The following LRRC9 variants were observed in gnomAD, a reference collection of about 807,000 sequenced individuals.
LRRC9 encodes the protein leucine rich repeat containing 9, also known as leucine-rich repeat-containing protein 9.
LRRC9 carries 122 observed loss-of-function variants against 63.2 expected under a neutral mutation model. That is an observed-to-expected ratio of 1.93 (90% confidence interval 1.67 to 2.24). The LOEUF (loss-of-function observed/expected upper bound fraction) is 2.24, where lower values mean the gene tolerates loss of function less well. Among genes scored for constraint, LRRC9 ranks in the 30% most tolerant of loss-of-function variants. The pLI is 0.00. For synonymous variants in LRRC9, 366 were observed against 213.1 expected (o/e 1.72, Z -6.25); for missense variants, 1,071 against 627.7 (o/e 1.71, Z -7.55).
chr14:60,062,033 G>A (rs56399812), intron 31 of LRRC9: 18 of 398,610 alleles, frequency 4.5e-5, no homozygotes, highest in Non-Finnish European at 7.1e-5. Flanking sequence ...AGAATGCTGG[G>A]ATTCTGACAA....
At chr14:60,010,497 G>A (rs1181518446) in intron 23 of LRRC9, among the ~76,000 whole-genome samples, 1 of 152,166 alleles carries the variant, frequency 6.6e-6, no homozygotes, top group African/African-American at 2.4e-5. Context: ...GGCCTGTGAT[G>A]GGAGTGGCTG....
At chr14:59,947,960 C>G (rs530206800) in intron 8 of LRRC9, among the ~76,000 whole-genome samples, 115 of 152,072 alleles carry the variant, frequency 7.6e-4, no homozygotes, top group Non-Finnish European at 1.3e-3. Flanking sequence ...CAGCTTTGTT[C>G]TTTTGGCTTC....
At chr14:59,924,922 T>TGTTTCCTTTGCC (rs1483571216) in intron 1 of LRRC9, among the ~76,000 whole-genome samples, 6 of 151,602 alleles carry the variant, frequency 4.0e-5, no homozygotes, top group Middle Eastern at 3.4e-3. Flanking sequence ...TTCCATTTGC[T>TGTTTCCTTTGCC]GTTTCCTTTG....
At chr14:59,997,034 A>G (rs148349092) in intron 17 of LRRC9, among the ~76,000 whole-genome samples, 1 of 152,044 alleles carries the variant, frequency 6.6e-6, no homozygotes, top group African/African-American at 2.4e-5. Flanking sequence ...ATACAAAATT[A>G]TATATGTTTT....
chr14:60,012,906 GTTT>G lies in LRRC9; in HGVS notation c.3187-3751_3187-3749del, dbSNP rs960075264. On this transcript the variant is annotated intron_variant, in intron 23 of 31. Coordinates refer to ENST00000445360, the Ensembl canonical transcript of LRRC9. ...CAATGGTATTTCTAAGGCTTAATAT[GTTT>G]TTATTTTTTATTTATTTTTTGTACA... Among the ~76,000 whole-genome samples the G allele has an allele frequency of 1.0e-4, 15 of 149,618 alleles. 1 individual carries two copies. The highest frequency in any genetic ancestry group is 6.8e-4 in the Admixed American group (10 of 14,752).
chr14:60,006,850 C>T (rs1479969697), intron 22 of LRRC9: 1 of 293,874 alleles, frequency 3.4e-6, no homozygotes, highest in Non-Finnish European at 6.2e-6. Context: ...TTTAAATACT[C>T]AAGTATGATA....
intron 27 of LRRC9, among the ~76,000 whole-genome samples, chr14:60,023,897 T>C (rs925465354): frequency 6.6e-6 from 1 of 151,560 alleles, no homozygotes; most frequent in Non-Finnish European, 1.5e-5. Context: ...ACATGCAGTG[T>C]TTGGTTTTCT....
At chr14:60,065,675 G>A (rs1345939299), downstream of LRRC9, among the ~76,000 whole-genome samples, 52 of 129,566 alleles carry the variant, frequency 4.0e-4, no homozygotes, top group Non-Finnish European at 7.4e-4. Context: ...AACTGTAAAA[G>A]AGAGTAAACT....
intron 22 of LRRC9, 39 bp downstream of exon 22, chr14:60,006,656 G>T: frequency 3.5e-6 from 2 of 566,908 alleles, no homozygotes; most frequent in Non-Finnish European, 6.2e-6. Context: ...TTTTTAACAT[G>T]TATTGTTTCT....
downstream of LRRC9, chr14:60,063,576 GTTAT>G (rs1398345661): frequency 2.3e-6 from 1 of 438,936 alleles, no homozygotes; most frequent in African/African-American, 2.0e-5. Flanking sequence ...GTTATCTTTA[GTTAT>G]TTGTTTGAAT....
At chr14:59,944,613 T>A (rs1165243601) in exon 8 of LRRC9, 4 of 616,064 alleles carry the variant, frequency 6.5e-6, no homozygotes, top group East Asian at 2.9e-5. Context: ...AAAAATAATG[T>A]ATTATAATAT....
At position 60,058,102 on chromosome 14, in the gene LRRC9, T is replaced by G; in HGVS notation, c.4276+80T>G. On this transcript the variant is annotated intron_variant, in intron 31 of 31. Coordinates refer to ENST00000445360, the Ensembl canonical transcript of LRRC9. The surrounding 1 kb of genome is among the most constrained non-coding windows in gnomAD (Gnocchi z 4.4). Reference sequence around the variant, plus strand: ...ATATCACTTTAATTTCTAATAGTACTTAAAATTCCTTGTTTTTAACTTACA... The same window carrying G: ...ATATCACTTTAATTTCTAATAGTACGTAAAATTCCTTGTTTTTAACTTACA... 2.2e-6 allele frequency: 1 copy of G among 463,464 alleles called. No individual in the cohort carries two copies. The highest frequency in any genetic ancestry group is 3.0e-5 in the East Asian group (1 of 33,488). The allele number at this position is 463,464 out of a possible 1,614,324, so 28.7% of individuals were successfully genotyped here. A position where few individuals can be genotyped will look rare whatever the true frequency, so the allele number is the denominator to read the frequency against.
chr14:60,006,334 T>A lies in LRRC9; in HGVS notation c.2843-63T>A, dbSNP rs1425461901. ...AATTACAATAAAATGACCAGCCACTTATTTTTTAAATTAAACCTTTAGTGT... is the reference window on the plus strand; with the variant it reads ...AATTACAATAAAATGACCAGCCACTAATTTTTTAAATTAAACCTTTAGTGT... On this transcript the variant is annotated intron_variant, in intron 21 of 31. Coordinates refer to ENST00000445360, the Ensembl canonical transcript of LRRC9. The A allele has an allele frequency of 1.3e-5, 8 of 616,830 alleles. No homozygotes were observed. In the East Asian group the frequency reaches 1.4e-4, roughly 11 times the overall value. 38.2% of individuals were successfully genotyped at this position (616,830 alleles called of 1,614,324 possible).
At chr14:59,953,524 A>T (rs954009336) in intron 8 of LRRC9, among the ~76,000 whole-genome samples, 1 of 151,968 alleles carries the variant, frequency 6.6e-6, no homozygotes, top group African/African-American at 2.4e-5. Flanking sequence ...TTTTTCTTGT[A>T]AATTTGTTTA....
chr14:59,974,575 G>A lies in LRRC9; in HGVS notation c.1507-1G>A. On this transcript the variant is annotated splice_acceptor_variant, in intron 12 of 31. Coordinates refer to ENST00000445360, the Ensembl canonical transcript of LRRC9. LOFTEE classifies it high-confidence loss of function. Reference sequence around the variant, plus strand: ...ACTCAGACTTTGTTTTTTCTTTGCAGCTGCCTCTCAAAAAAGAAGCCATCA... The same window carrying A: ...ACTCAGACTTTGTTTTTTCTTTGCAACTGCCTCTCAAAAAAGAAGCCATCA... 1.6e-6 allele frequency: 1 copy of A among 643,182 alleles called. No homozygotes were observed. Among genetic ancestry groups the A allele is most frequent in the Non-Finnish European group, 2.8e-6 (1 of 359,880 alleles). The allele number at this position is 643,182 out of a possible 1,614,324, so 39.8% of individuals were successfully genotyped here.
intron 23 of LRRC9, among the ~76,000 whole-genome samples, chr14:60,016,335 C>G (rs2140269452): frequency 6.6e-6 from 1 of 152,238 alleles, no homozygotes; most frequent in South Asian, 2.1e-4. Context: ...TCCCACATAG[C>G]TACAACTAGA....
intron 8 of LRRC9, 124 bp downstream of exon 8, chr14:59,944,868 A>ACT (rs1172028391): frequency 3.5e-5 from 4 of 112,794 alleles, no homozygotes; most frequent in East Asian, 2.7e-4. Flanking sequence ...ACACACACTC[A>ACT]CACACACACA....
intron 29 of LRRC9, among the ~76,000 whole-genome samples, chr14:60,039,034 GT>G (rs1267861763): frequency 6.6e-6 from 1 of 152,152 alleles, no homozygotes; most frequent in African/African-American, 2.4e-5. Flanking sequence ...TGTAGTTTTT[GT>G]CCTTGGTTCT....
chr14:60,041,730 G>A (rs1892961628), intron 29 of LRRC9, among the ~76,000 whole-genome samples: 1 of 152,198 alleles, frequency 6.6e-6, no homozygotes, highest in African/African-American at 2.4e-5. Context: ...CTGATCATCT[G>A]AAGCATTCTT....
Sources: allele counts gnomAD v4.1 joint callset (sites outside exome capture counted in the v4.1 genomes callset), GRCh38; gene constraint gnomAD v4.1.1; non-coding constraint Gnocchi (gnomAD v3.1); transcripts MANE v1.5; gene names NCBI Gene and HGNC (gene_info 2026-07-23, HGNC 2026-07-21).